TMEM14C: variants seen among roughly 807,000 people sequenced by gnomAD.
The protein encoded by TMEM14C is chromosome 6 open reading frame 53.
TMEM14C carries 13 observed loss-of-function variants against 14.8 expected under a neutral mutation model. The ratio of observed to expected loss-of-function variants is 0.88; its 90% CI spans 0.57 to 1.40. The LOEUF is 1.40. Among genes scored for constraint, TMEM14C ranks in the 40% most tolerant of loss-of-function variants. TMEM14C has a pLI of 0.00. For missense variants in TMEM14C, 142 were observed against 138.8 expected (o/e 1.02, Z -0.12); for synonymous variants, 57 against 51.3 (o/e 1.11, Z -0.48).
At chr6:10,725,097 A>G (rs894794319) in intron 3 of TMEM14C, 60 bp downstream of exon 3, 11 of 1,597,484 alleles carry the variant, frequency 6.9e-6, no homozygotes, top group African/African-American at 1.3e-5. Flanking sequence ...TGAAATGTGA[A>G]TGCCCGTGTC....
intron 4 of TMEM14C, 70 bp downstream of exon 4, chr6:10,726,078 T>G: frequency 6.4e-7 from 1 of 1,567,664 alleles, no homozygotes; most frequent in Non-Finnish European, 8.8e-7. Flanking sequence ...AGACCCTGGT[T>G]TGGTGGGATG....
At chr6:10,730,126 C>T (rs1461230232) in intron 5 of TMEM14C, among the ~76,000 whole-genome samples, 2 of 152,064 alleles carry the variant, frequency 1.3e-5, no homozygotes, top group Non-Finnish European at 2.9e-5. Flanking sequence ...AAAAAACCTT[C>T]TCAAAAACAA....
chr6:10,724,347 A>G (rs966378014), intron 1 of TMEM14C: 2 of 453,116 alleles, frequency 4.4e-6, no homozygotes, highest in African/African-American at 2.0e-5. Flanking sequence ...TTTCATGACA[A>G]TGGTCAGCAT....
intron 4 of TMEM14C, 130 bp downstream of exon 4, chr6:10,726,138 G>C: frequency 9.8e-7 from 1 of 1,018,310 alleles, no homozygotes; most frequent in Non-Finnish European, 1.5e-6. Context: ...CTTCTACCAA[G>C]TCCTCAGAAA....
chr6:10,727,505 A>T (rs1223070154), intron 4 of TMEM14C, among the ~76,000 whole-genome samples: 2 of 151,952 alleles, frequency 1.3e-5, no homozygotes, highest in East Asian at 3.9e-4. Context: ...TGCCCGGCTA[A>T]TTTTTCTATT....
rs1321546421 is a variant in TMEM14C at position 10,726,010 on chromosome 6, T to C, written c.199+2T>C. 1.9e-6 allele frequency: 3 copies of C among 1,613,880 alleles called. No homozygotes were observed. Among genetic ancestry groups the C allele is most frequent in the Non-Finnish European group, 2.5e-6 (3 of 1,179,988 alleles). On this transcript the variant is annotated splice_donor_variant, in intron 4 of 5. Coordinates refer to ENST00000229563, the MANE Select transcript of TMEM14C (RefSeq NM_016462.4). LOFTEE classifies it high-confidence loss of function. ...CAAGGAACGTTTGGGTTTTCCTAGG[T>C]ATGTCTGCTTTGGCGTCTCCTTAGG... is the stretch of plus-strand genomic sequence containing the variant.
rs149068167 is a variant in TMEM14C at position 10,725,993 on chromosome 6, G to A, written c.184G>A (p.Val62Ile). The A allele has an allele frequency of 5.9e-5, 96 of 1,614,002 alleles. No homozygotes were observed. Among genetic ancestry groups the A allele is most frequent in the Non-Finnish European group, 7.5e-5 (89 of 1,180,034 alleles). ...AYQLSQDPRN[V>I]WVFLATSGTL... ...CCAGCTGTCTCAGGATCCAAGGAACGTTTGGGTTTTCCTAGGTATGTCTGC... is the reference window on the plus strand; with the variant it reads ...CCAGCTGTCTCAGGATCCAAGGAACATTTGGGTTTTCCTAGGTATGTCTGC... Residue 62 changes from valine to isoleucine, a missense_variant, in exon 4 of 6, where the codon GTT becomes ATT. By Grantham distance (29) the Val-to-Ile change is conservative (BLOSUM62 3). Coordinates refer to ENST00000229563, the MANE Select transcript of TMEM14C (RefSeq NM_016462.4).
intron 3 of TMEM14C, 128 bp from the exon 4 acceptor site, chr6:10,725,779 C>A: frequency 1.8e-6 from 2 of 1,108,878 alleles, no homozygotes; most frequent in South Asian, 1.5e-5. Context: ...TGCTTGAGTC[C>A]ACCTTGGCTA....
In TMEM14C at chr6:10,725,767, C is replaced by T. The variant is rs545725406; in HGVS notation, c.98-140C>T. The stretch of plus-strand genomic sequence containing the variant: ...GATAGCACACTCTCTGTAACGTCTT[C>T]CTGCTTGAGTCCACCTTGGCTATGA... On this transcript the variant is annotated intron_variant, in intron 3 of 5. Transcript: ENST00000229563. 4.1e-6 allele frequency: 4 copies of T among 979,820 alleles called. No individual in the cohort carries two copies. The South Asian group carries it at 4.8e-5, about 12-fold the overall frequency. 60.7% of individuals were successfully genotyped at this position (979,820 alleles called of 1,614,324 possible).
intron 2 of TMEM14C, 27 bp downstream of exon 2, chr6:10,724,660 A>G: frequency 1.2e-6 from 2 of 1,609,916 alleles, no homozygotes; most frequent in Non-Finnish European, 1.7e-6. Flanking sequence ...GGTATGGAGT[A>G]GCCAGGAGCT....
At chr6:10,729,796 CAAACA>C (rs1365978589) in intron 5 of TMEM14C, among the ~76,000 whole-genome samples, 1 of 151,618 alleles carries the variant, frequency 6.6e-6, no homozygotes, top group Non-Finnish European at 1.5e-5. Context: ...AACAAACAAA[CAAACA>C]AAACTTTAGT....
intron 4 of TMEM14C, among the ~76,000 whole-genome samples, chr6:10,727,786 A>C (rs879369605): frequency 2.0e-5 from 3 of 151,858 alleles, no homozygotes; most frequent in African/African-American, 4.8e-5. Flanking sequence ...ACGCCACTGC[A>C]CTCTAGCCTG....
chr6:10,727,542 G>A (rs774155811), intron 4 of TMEM14C, among the ~76,000 whole-genome samples: 5 of 152,084 alleles, frequency 3.3e-5, no homozygotes, highest in African/African-American at 4.8e-5. Context: ...GTTTCGCCAT[G>A]TTGTCCAGGC....
At chr6:10,729,430 G>A (rs768270592) in intron 5 of TMEM14C, among the ~76,000 whole-genome samples, 10 of 152,086 alleles carry the variant, frequency 6.6e-5, no homozygotes, top group Non-Finnish European at 1.3e-4. Flanking sequence ...ACTGCGGCTG[G>A]CCCTGTTTTC....
At chr6:10,724,158 C>G (rs561487751) in intron 1 of TMEM14C, among the ~76,000 whole-genome samples, 1 of 152,296 alleles carries the variant, frequency 6.6e-6, no homozygotes, top group South Asian at 2.1e-4. Flanking sequence ...AAAAGCAACA[C>G]CCCTACCTCC....
At chr6:10,728,600 T>A in intron 4 of TMEM14C, 40 bp from the exon 5 acceptor site, 2 of 1,600,756 alleles carry the variant, frequency 1.2e-6, no homozygotes, top group Non-Finnish European at 8.6e-7. Context: ...GCGTAGAAGA[T>A]GTAATGAGTT....
intron 5 of TMEM14C, among the ~76,000 whole-genome samples, chr6:10,729,954 C>T (rs556222056): frequency 2.8e-4 from 42 of 151,864 alleles, no homozygotes; most frequent in Non-Finnish European, 5.4e-4. Context: ...AAAAATTAGC[C>T]GGGCATGGTG....
Position 10,725,926 on chromosome 6 carries a change from TGC to T in TMEM14C, c.118_119del (p.Ala40ArgfsTer66). The T allele has an allele frequency of 6.2e-7, 1 of 1,614,046 alleles. No homozygotes were observed. Among genetic ancestry groups the T allele is most frequent in the East Asian group, 2.2e-5 (1 of 44,878 alleles). On this transcript the variant is annotated frameshift_variant, in exon 4 of 6. Coordinates refer to ENST00000229563, the MANE Select transcript of TMEM14C (RefSeq NM_016462.4). LOFTEE classifies it high-confidence loss of function. The part of the protein sequence containing the change: ...VKAGSVPSLA[A>X]GLLFGSLAGL... The stretch of plus-strand genomic sequence containing the variant: ...CTCTAGGCAGCGTGCCGTCCCTGGC[TGC>T]AGGGCTGCTCTTTGGCAGTCTAGCC...
chr6:10,724,416 C>T (rs991029091), intron 1 of TMEM14C, 154 bp from the exon 2 acceptor site: 13 of 606,526 alleles, frequency 2.1e-5, no homozygotes, highest in African/African-American at 1.3e-4. Flanking sequence ...TGAATGCTCA[C>T]TACAGCCCCA....
Sources: gnomAD v4.1 joint callset for allele counts (sites outside exome capture counted in the v4.1 genomes callset) on GRCh38, gnomAD v4.1.1 for gene constraint, MANE v1.5 for transcripts, NCBI Gene and HGNC (gene_info 2026-07-23, HGNC 2026-07-21) for gene names.